The following KLF4 variants were observed in gnomAD, a reference collection of about 807,000 sequenced individuals.
KLF4 encodes the protein Krueppel-like factor 4.
KLF4 carries 14 observed loss-of-function variants against 38.0 expected under a neutral mutation model. The observed-to-expected ratio is 0.37, with a 90% CI of 0.24 to 0.58. The LOEUF is 0.58. Among genes scored for constraint, KLF4 ranks in the 20% least tolerant of loss-of-function variants. The probability of loss-of-function intolerance (pLI) is 0.76; values close to 1 mark genes in which losing one functional copy is unlikely to be tolerated. For synonymous variants in KLF4, 398 were observed against 302.5 expected (o/e 1.32, Z -3.28); for missense variants, 737 against 670.1 (o/e 1.10, Z -1.10).
Position 107,485,356 on chromosome 9 carries a change from A to G in KLF4, c.*395T>C, listed in dbSNP as rs1052277102. 2.5e-5 allele frequency: 6 copies of G among 235,514 alleles called. No homozygotes were observed. The highest frequency in any genetic ancestry group is 3.3e-5 in the Non-Finnish European group (4 of 120,178). 14.6% of individuals were successfully genotyped at this position (235,514 alleles called of 1,614,324 possible). A position where few individuals can be genotyped will look rare whatever the true frequency, so the allele number is the denominator to read the frequency against. ...TAATAATGGCTTTTAGAAGGTAAAG[A>G]GAATACAAGGTGATCTTTTATGCTT... On this transcript the variant is annotated 3_prime_UTR_variant, in exon 5 of 5. Coordinates refer to ENST00000374672, the MANE Select transcript of KLF4 (RefSeq NM_004235.6). The surrounding 1 kb of genome is among the most constrained non-coding windows in gnomAD (Gnocchi z 4.9).
rs145474824 is a variant in KLF4, at chr9:107,487,421, G to A, written c.973C>T (p.Leu325=). The A allele has an allele frequency of 1.3e-4, 201 of 1,519,464 alleles. No individual in the cohort carries two copies. The African/African-American group carries it at 2.3e-3, about 18-fold the overall frequency. The allele number at this position is 1,519,464 out of a possible 1,614,324, so 94.1% of individuals were successfully genotyped here. ...GCAGGGTGACAGTCCCTGCTGCTCA[G>A]CACTTCCTCAAGACCCAGGGTCGGG... ...TTPTLGLEEV[L]SSRDCHPALP... Residue 325 remains leucine, a synonymous_variant, in exon 3 of 5, where the codon CTG becomes TTG. Coordinates refer to ENST00000374672, the MANE Select transcript of KLF4 (RefSeq NM_004235.6). The surrounding 1 kb of genome is among the most constrained non-coding windows in gnomAD (Gnocchi z 6.1).
chr9:107,488,902 G>A lies in KLF4; in HGVS notation c.126+28C>T, dbSNP rs1304258432. On this transcript the variant is annotated intron_variant, in intron 2 of 4. Transcript: ENST00000374672. This position sits in a 1 kb window ranked among gnomAD's most constrained non-coding sequence, Gnocchi z 5.7. ...CCACACCCACGAAAACCCACCGGGCGTTCCCGGCGGCCCGGAGCGATACTC... is the reference window on the plus strand; with the variant it reads ...CCACACCCACGAAAACCCACCGGGCATTCCCGGCGGCCCGGAGCGATACTC... 2 of 1,544,340 alleles carry A rather than the reference G, an allele frequency of 1.3e-6. No homozygotes were observed. The highest frequency in any genetic ancestry group is 2.4e-5 in the South Asian group (2 of 83,622).
In KLF4 at chr9:107,488,011, G is replaced by A. The variant is rs760546357; in HGVS notation, c.383C>T (p.Ala128Val). The change falls in exon 3 of 5, where the codon GCG becomes GTG. Residue 128 changes from alanine (A) to valine (V), a missense_variant. Ala to Val is a moderately conservative substitution (Grantham distance 64). Coordinates refer to ENST00000374672, the MANE Select transcript of KLF4 (RefSeq NM_004235.6). The surrounding 1 kb of genome is among the most constrained non-coding windows in gnomAD (Gnocchi z 5.7). ...CGGCGACGACGAAGAGGAGGCTGAC[G>A]CTGACGAGGACACGGTGGCGGCCAC... ...ESVAATVSSS[A>V]SASSSSSPSS... 6 of 1,605,612 alleles carry A rather than the reference G, an allele frequency of 3.7e-6. No individual in the cohort carries two copies. The highest frequency in any genetic ancestry group is 5.1e-6 in the Non-Finnish European group (6 of 1,176,768).
Position 107,484,966 on chromosome 9 carries a change from C to T in KLF4, c.*785G>A, listed in dbSNP as rs986112839. On this transcript the variant is annotated 3_prime_UTR_variant, in exon 5 of 5. Coordinates refer to ENST00000374672, the MANE Select transcript of KLF4 (RefSeq NM_004235.6). Reference sequence around the variant, plus strand: ...GTAGTTTACAAATATACAAAATAGACGTTTGCTTAAATTTATATTACATAT... The same window carrying T: ...GTAGTTTACAAATATACAAAATAGATGTTTGCTTAAATTTATATTACATAT... 3.0e-5 allele frequency: 6 copies of T among 198,714 alleles called. No homozygotes were observed. Among genetic ancestry groups the T allele is most frequent in the African/African-American group, 6.9e-5 (3 of 43,388 alleles). The allele number at this position is 198,714 out of a possible 1,614,324, so 12.3% of individuals were successfully genotyped here.
chr9:107,486,005 T>G, intron 4 of KLF4, 79 bp from the exon 5 acceptor site: 2 of 1,307,866 alleles, frequency 1.5e-6, no homozygotes, highest in Non-Finnish European at 2.1e-6. Context: ...GAAGGCCAGA[T>G]AGTAAACCAA....
chr9:107,489,257 C>T lies in KLF4; in HGVS notation c.-85G>A, dbSNP rs1184660799. 1.4e-6 allele frequency: 2 copies of T among 1,397,322 alleles called. No homozygotes were observed. The highest frequency in any genetic ancestry group is 1.9e-6 in the Non-Finnish European group (2 of 1,067,696). The allele number at this position is 1,397,322 out of a possible 1,614,324, so 86.6% of individuals were successfully genotyped here. A position where few individuals can be genotyped will look rare whatever the true frequency, so the allele number is the denominator to read the frequency against. On this transcript the variant is annotated 5_prime_UTR_variant, in exon 1 of 5. Coordinates refer to ENST00000374672, the MANE Select transcript of KLF4 (RefSeq NM_004235.6). ...AAGTCAACGAAGAGAAGAAACGAAG[C>T]CAAAACCCAAAACCCCAAATTGGCC...
chr9:107,488,321 G>C lies in KLF4; in HGVS notation c.127-54C>G. ...CAGTGGTGGTCCCCTGTTGCCACCCGACATACTGACGTGCTGGCGGGCCAC... is the reference window on the plus strand; with the variant it reads ...CAGTGGTGGTCCCCTGTTGCCACCCCACATACTGACGTGCTGGCGGGCCAC... On this transcript the variant is annotated intron_variant, in intron 2 of 4. Transcript: ENST00000374672. The surrounding 1 kb of genome is among the most constrained non-coding windows in gnomAD (Gnocchi z 5.7). The C allele has an allele frequency of 6.7e-7, 1 of 1,493,904 alleles. No individual in the cohort carries two copies. Among genetic ancestry groups the C allele is most frequent in the East Asian group, 2.4e-5 (1 of 40,944 alleles). The allele number at this position is 1,493,904 out of a possible 1,614,324, so 92.5% of individuals were successfully genotyped here. A position where few individuals can be genotyped will look rare whatever the true frequency, so the allele number is the denominator to read the frequency against.
Position 107,488,540 on chromosome 9 carries a change from G to A in KLF4, c.127-273C>T, listed in dbSNP as rs774993633. On this transcript the variant is annotated intron_variant, in intron 2 of 4. Coordinates refer to ENST00000374672, the MANE Select transcript of KLF4 (RefSeq NM_004235.6). The surrounding 1 kb of genome is among the most constrained non-coding windows in gnomAD (Gnocchi z 5.7). The stretch of plus-strand genomic sequence containing the variant: ...GCTGGTCCCTCCCCCTCCAGGTCCC[G>A]TGGACGTCCCCGGAATTGGCACACC... The A allele has an allele frequency of 7.6e-6, 4 of 524,226 alleles. No individual in the cohort carries two copies. The highest frequency in any genetic ancestry group is 2.0e-5 in the African/African-American group (1 of 50,902). 32.5% of individuals were successfully genotyped at this position (524,226 alleles called of 1,614,324 possible).
At chr9:107,486,642 A>AT (rs138803751) in intron 4 of KLF4, among the ~76,000 whole-genome samples, 8 of 152,180 alleles carry the variant, frequency 5.3e-5, no homozygotes, top group South Asian at 2.1e-4. Context: ...TTAAAAAACG[A>AT]TTTTTTTAAA....
Position 107,488,834 on chromosome 9 carries a change from C to G in KLF4, c.126+96G>C, listed in dbSNP as rs45599739. On this transcript the variant is annotated intron_variant, in intron 2 of 4. Coordinates refer to ENST00000374672, the MANE Select transcript of KLF4 (RefSeq NM_004235.6). This position sits in a 1 kb window ranked among gnomAD's most constrained non-coding sequence, Gnocchi z 5.7. Reference sequence around the variant, plus strand: ...CCGCGCGGTGGCCGCTCCTTACCCTCGTTCAGTGGCTCTTGGTGACCCCAA... The same window carrying G: ...CCGCGCGGTGGCCGCTCCTTACCCTGGTTCAGTGGCTCTTGGTGACCCCAA... The G allele has an allele frequency of 2.0e-6, 3 of 1,465,592 alleles. No individual in the cohort carries two copies. Among genetic ancestry groups the G allele is most frequent in the African/African-American group, 1.4e-5 (1 of 71,186 alleles). 90.8% of individuals were successfully genotyped at this position (1,465,592 alleles called of 1,614,324 possible). A position where few individuals can be genotyped will look rare whatever the true frequency, so the allele number is the denominator to read the frequency against.
At chr9:107,486,896 T>A in intron 4 of KLF4, 132 bp downstream of exon 4, 2 of 1,553,522 alleles carry the variant, frequency 1.3e-6, no homozygotes, top group Admixed American at 1.8e-5. Context: ...AAGGAGGCAC[T>A]GAGGAGTGTC....
rs749303551 is a variant in KLF4 at position 107,487,666 on chromosome 9, C to T, written c.728G>A (p.Gly243Asp). Residue 243 changes from glycine (G) to aspartate (D), a missense_variant, in exon 3 of 5, where the codon GGC (glycine) becomes GAC (aspartate). This residue lies in a region of KLF4 where 695 missense variants were observed against 554.5 expected (regional missense o/e 1.25). Transcript: ENST00000374672. The surrounding 1 kb of genome is among the most constrained non-coding windows in gnomAD (Gnocchi z 6.1). The part of the protein sequence containing the change: ...ASLSAPGSEY[G>D]SPSVISVSKG... Reference sequence around the variant, plus strand: ...GCTGACGCTGATGACCGACGGGCTGCCGTACTCGCTGCCAGGGGCGCTCAG... The same window carrying T: ...GCTGACGCTGATGACCGACGGGCTGTCGTACTCGCTGCCAGGGGCGCTCAG... The T allele has an allele frequency of 1.9e-6, 3 of 1,591,676 alleles. No individual in the cohort carries two copies. Among genetic ancestry groups the T allele is most frequent in the Non-Finnish European group, 2.6e-6 (3 of 1,167,000 alleles).
chr9:107,489,092 G>T, intron 1 of KLF4, 42 bp from the exon 2 acceptor site: 7 of 1,550,634 alleles, frequency 4.5e-6, no homozygotes, highest in Non-Finnish European at 6.1e-6. Flanking sequence ...AGTCAGGGGC[G>T]GCTTTCGGCC....
chr9:107,487,955 T>G lies in KLF4; in HGVS notation c.439A>C (p.Thr147Pro), dbSNP rs755471703. The change falls in exon 3 of 5, where the codon ACC becomes CCC. Residue 147 changes from threonine (T) to proline (P), a missense_variant. Transcript: ENST00000374672. The surrounding 1 kb of genome is among the most constrained non-coding windows in gnomAD (Gnocchi z 6.1). ...CGGATCGGATAGGTGAAGCTGCAGG[T>G]GGAGGGCGCGCTGGCAGGGCCGCTG... is the stretch of plus-strand genomic sequence containing the variant. ...SSSGPASAPS[T>P]CSFTYPIRAG... is the part of the protein sequence containing the mutation. 6.3e-7 allele frequency: 1 copy of G among 1,582,932 alleles called. No individual in the cohort carries two copies. Among genetic ancestry groups the G allele is most frequent in the African/African-American group, 1.3e-5 (1 of 74,370 alleles).
chr9:107,487,082 C>G lies in KLF4; in HGVS notation c.1210G>C (p.Gly404Arg), dbSNP rs1829076360. 1.2e-6 allele frequency: 2 copies of G among 1,614,170 alleles called. No homozygotes were observed. The highest frequency in any genetic ancestry group is 2.2e-5 in the East Asian group (1 of 44,862). The change falls in exon 4 of 5, where the codon GGC (glycine) becomes CGC (arginine). Residue 404 changes from glycine to arginine, a missense_variant. Around this residue, in one of 2 missense-constraint regions of KLF4, gnomAD observed 42 missense variants for 115.5 expected, o/e 0.36. Coordinates refer to ENST00000374672, the MANE Select transcript of KLF4 (RefSeq NM_004235.6). This position sits in a 1 kb window ranked among gnomAD's most constrained non-coding sequence, Gnocchi z 6.1. ...TGGGAACTCTTTGTGTAGGTTTTGC[C>G]GCAGCCCGCGTAATCACAAGTGTGG... ...ATHTCDYAGC[G>R]KTYTKSSHLK...
At chr9:107,486,747 T>C (rs1829070070) in intron 4 of KLF4, among the ~76,000 whole-genome samples, 1 of 152,082 alleles carries the variant, frequency 6.6e-6, no homozygotes, top group South Asian at 2.1e-4. Context: ...TCCTGCCTTT[T>C]AAAAGCCTAA....
chr9:107,487,767 G>A lies in KLF4; in HGVS notation c.627C>T (p.Asp209=), dbSNP rs776136762. Residue 209 remains aspartate, a synonymous_variant, in exon 3 of 5, where the codon GAC becomes GAT. Coordinates refer to ENST00000374672, the MANE Select transcript of KLF4 (RefSeq NM_004235.6). This position sits in a 1 kb window ranked among gnomAD's most constrained non-coding sequence, Gnocchi z 6.1. ...GCTGCTGCGGCGGAATGTACACCGG[G>A]TCCAATTCTGGCCGCAGGAGCTCGG... ...FVAELLRPEL[D]PVYIPPQQPQ... 15 of 1,557,154 alleles carry A rather than the reference G, an allele frequency of 9.6e-6. No individual in the cohort carries two copies. Among genetic ancestry groups the A allele is most frequent in the Middle Eastern group, 1.7e-4 (1 of 5,986 alleles).
chr9:107,485,103 C>T lies in KLF4; in HGVS notation c.*648G>A, dbSNP rs1352991575. 1 of 189,828 alleles carries T rather than the reference C, an allele frequency of 5.3e-6. No homozygotes were observed. The highest frequency in any genetic ancestry group is 1.0e-5 in the Non-Finnish European group (1 of 96,898). The allele number at this position is 189,828 out of a possible 1,614,324, so 11.8% of individuals were successfully genotyped here. Reference sequence around the variant, plus strand: ...ATCTGAAACCACAGTGCATAACAGACTGTCTGCATAAAAATGCTAAAGAAG... The same window carrying T: ...ATCTGAAACCACAGTGCATAACAGATTGTCTGCATAAAAATGCTAAAGAAG... On this transcript the variant is annotated 3_prime_UTR_variant, in exon 5 of 5. Transcript: ENST00000374672. This position sits in a 1 kb window ranked among gnomAD's most constrained non-coding sequence, Gnocchi z 4.9.
At position 107,487,519 on chromosome 9, in the gene KLF4, G is replaced by A. The variant is rs763310984; in HGVS notation, c.875C>T (p.Pro292Leu). 3.8e-5 allele frequency: 59 copies of A among 1,548,564 alleles called. No homozygotes were observed. Among genetic ancestry groups the A allele is most frequent in the Non-Finnish European group, 4.8e-5 (55 of 1,148,756 alleles). Residue 292 changes from proline (P) to leucine (L), a missense_variant, in exon 3 of 5, where the codon CCC becomes CTC. Pro to Leu is a moderately conservative substitution (Grantham distance 98, BLOSUM62 -3). This residue lies in a region of KLF4 where 695 missense variants were observed against 554.5 expected (regional missense o/e 1.25). Coordinates refer to ENST00000374672, the MANE Select transcript of KLF4 (RefSeq NM_004235.6). The surrounding 1 kb of genome is among the most constrained non-coding windows in gnomAD (Gnocchi z 6.1). ...CGGCCGGTGGCCATTGCTGAGAGGG[G>A]GTCCAGCGCCCAAGTGGGTGCACGA... ...VSSCTHLGAG[P>L]PLSNGHRPAA...
Sources: gnomAD v4.1 joint callset for allele counts (sites outside exome capture counted in the v4.1 genomes callset) on GRCh38, gnomAD v4.1.1 for gene constraint, gnomAD v4.1.1 regional missense constraint, Gnocchi (gnomAD v3.1) non-coding constraint, MANE v1.5 for transcripts, NCBI Gene and HGNC (gene_info 2026-07-23, HGNC 2026-07-21) for gene names.